Variants in HERC2 observed in about 807,000 individuals in gnomAD.
The protein encoded by HERC2 is E3 ubiquitin-protein ligase HERC2.
In HERC2, 102 loss-of-function variants were observed where a neutral mutation model predicts 537.7. The observed-to-expected ratio is 0.19, with a 90% CI of 0.16 to 0.22. HERC2 has a LOEUF of 0.22. Ranked by LOEUF, HERC2 falls within the 10% of genes least tolerant of loss-of-function variation. The pLI is 1.00. For missense variants in HERC2, 4,236 were observed against 6,198.2 expected (o/e 0.68, Z 10.63); for synonymous variants, 2,224 against 2,466.2 (o/e 0.90, Z 2.91).
chr15:28,133,423 T>C (rs565989554), intron 79 of HERC2, among the ~76,000 whole-genome samples: 85 of 152,324 alleles, frequency 5.6e-4, no homozygotes, highest in African/African-American at 2.0e-3. Flanking sequence ...CTTCATAGTG[T>C]CTTTTGAAGA....
At chr15:28,123,928 G>T in intron 85 of HERC2, 109 bp downstream of exon 85, 1 of 855,656 alleles carries the variant, frequency 1.2e-6, no homozygotes, top group Non-Finnish European at 1.7e-6. Context: ...GTGAACATTT[G>T]CTGAATGAGC....
At chr15:28,148,440 T>C (rs1029774502) in intron 70 of HERC2, among the ~76,000 whole-genome samples, 1 of 152,040 alleles carries the variant, frequency 6.6e-6, no homozygotes, top group Non-Finnish European at 1.5e-5. Flanking sequence ...CATGGAGAGT[T>C]ACCAAGTGTC....
In HERC2 at chr15:28,218,568, C is replaced by G; in HGVS notation, c.5949G>C (p.Glu1983Asp). 6.3e-7 allele frequency: 1 copy of G among 1,598,162 alleles called. No homozygotes were observed. Among genetic ancestry groups the G allele is most frequent in the Non-Finnish European group, 8.5e-7 (1 of 1,179,742 alleles). ...TCTTGGTGGCTTCGCTCTGCATGAT[C>G]TCAGCATGAACTCCAGCAGACAGAC... ...TLCLSAGVHAEIMQSEATKTL... is the reference protein window; with the variant it reads ...TLCLSAGVHADIMQSEATKTL... The change falls in exon 38 of 93, where the codon GAG becomes GAC. Residue 1983 changes from glutamate to aspartate, a missense_variant. By Grantham distance (45) the Glu-to-Asp change is conservative (BLOSUM62 2). Around this residue, in one of 27 missense-constraint regions of HERC2, gnomAD observed 365 missense variants for 468.8 expected, o/e 0.78. Coordinates refer to ENST00000261609, the MANE Select transcript of HERC2 (RefSeq NM_004667.6).
chr15:28,246,598 TAA>T (rs139539730), intron 22 of HERC2, 142 bp downstream of exon 22: 111 of 487,696 alleles, frequency 2.3e-4, no homozygotes, highest in South Asian at 8.2e-4. Flanking sequence ...TGTCAGTAAC[TAA>T]AAAAAAAAAA....
chr15:28,298,797 C>T (rs375262770), intron 3 of HERC2, among the ~76,000 whole-genome samples: 1 of 151,658 alleles, frequency 6.6e-6, no homozygotes, highest in African/African-American at 2.4e-5. Context: ...CTCCTTCCCC[C>T]CCAAAAAAAA....
chr15:28,240,303 A>G (rs1902959320), intron 23 of HERC2, among the ~76,000 whole-genome samples: 1 of 152,212 alleles, frequency 6.6e-6, no homozygotes, highest in African/African-American at 2.4e-5. Context: ...CTGTAGTCCC[A>G]GCTACTCGGG....
intron 79 of HERC2, among the ~76,000 whole-genome samples, chr15:28,134,457 T>C (rs1324201067): frequency 6.6e-6 from 1 of 152,208 alleles, no homozygotes; most frequent in African/African-American, 2.4e-5. Flanking sequence ...TTTTATTTCT[T>C]TGCACTGCTG....
chr15:28,292,230 CAAAAAA>C (rs34513876), intron 4 of HERC2, among the ~76,000 whole-genome samples: 5 of 67,478 alleles, frequency 7.4e-5, no homozygotes, highest in African/African-American at 1.7e-4. Context: ...ACTCCATCTC[CAAAAAA>C]AAAAAAAAAA....
chr15:28,193,018 C>T (rs1484949202), intron 52 of HERC2, among the ~76,000 whole-genome samples: 1 of 152,072 alleles, frequency 6.6e-6, no homozygotes, highest in African/African-American at 2.4e-5. Flanking sequence ...AGTCACTAAC[C>T]TTTACCAAGT....
In HERC2 at chr15:28,287,740, G is replaced by GTTTTTTTTT. The variant is rs1461307820; in HGVS notation, c.322+5147_322+5148insAAAAAAAAA. On this transcript the variant is annotated intron_variant, in intron 4 of 92. Coordinates refer to ENST00000261609, the MANE Select transcript of HERC2 (RefSeq NM_004667.6). ...TCCTCTTTTTTTTTTTTTTTTTTTG[G>GTTTTTTTTT]TTTGAGATGGAGTCTCACCCTGTCA... Among the ~76,000 whole-genome samples, 22 of 141,048 alleles carry GTTTTTTTTT rather than the reference G, an allele frequency of 1.6e-4. 1 individual carries two copies. Among genetic ancestry groups the GTTTTTTTTT allele is most frequent in the African/African-American group, 1.9e-4 (7 of 36,894 alleles). The allele number at this position is 141,048 out of a possible 152,430, so 92.5% of individuals were successfully genotyped here.
intron 26 of HERC2, among the ~76,000 whole-genome samples, chr15:28,235,516 A>G (rs2140667297): frequency 6.6e-6 from 1 of 152,296 alleles, no homozygotes; most frequent in South Asian, 2.1e-4. Context: ...CTGTATGGAC[A>G]CCAAGATCCT....
chr15:28,287,065 A>G (rs958865667), intron 4 of HERC2, among the ~76,000 whole-genome samples: 13 of 152,222 alleles, frequency 8.5e-5, no homozygotes, highest in Non-Finnish European at 1.5e-4. Context: ...AAATTCTTTC[A>G]ACTTTTCTGT....
chr15:28,265,285 T>TG lies in HERC2; in HGVS notation c.1870+332_1870+333insC, dbSNP rs2075531559. ...AGAACACAGAAAGACTTAGCAGGAA[T>TG]TACCACAGGGAATCAAGAGTGGCCG... is the stretch of plus-strand genomic sequence containing the variant. On this transcript the variant is annotated intron_variant, in intron 14 of 92. Transcript: ENST00000261609. This position sits in a 1 kb window ranked among gnomAD's most constrained non-coding sequence, Gnocchi z 4.0. 6.6e-6 allele frequency among the ~76,000 whole-genome samples: 1 copy of TG among 152,052 alleles called. No homozygotes were observed. Among genetic ancestry groups the TG allele is most frequent in the South Asian group, 2.1e-4 (1 of 4,826 alleles).
Position 28,220,525 on chromosome 15 carries a change from G to A in HERC2, c.5772C>T (p.Tyr1924=), listed in dbSNP as rs763050324. 14 of 1,601,878 alleles carry A rather than the reference G, an allele frequency of 8.7e-6. No homozygotes were observed. Among genetic ancestry groups the A allele is most frequent in the South Asian group, 6.6e-5 (6 of 90,992 alleles). The change falls in exon 37 of 93, where the codon TAC becomes TAT. Residue 1924 remains tyrosine, a synonymous_variant. Coordinates refer to ENST00000261609, the MANE Select transcript of HERC2 (RefSeq NM_004667.6). ...NSYRMGKEGK[Y]DLKLAELPAA... is the part of the protein sequence containing the mutation. ...CCGGCAGCTCTGCCAGCTTGAGGTC[G>A]TATTTTCCTTCTTTCCCCATCCTGT... is the stretch of plus-strand genomic sequence containing the variant.
intron 4 of HERC2, among the ~76,000 whole-genome samples, chr15:28,286,449 T>G (rs1383480077): frequency 1.3e-5 from 2 of 152,162 alleles, no homozygotes; most frequent in Non-Finnish European, 2.9e-5. Context: ...GAATGTAAAG[T>G]GGGTTCAACA....
chr15:28,235,506 C>T lies in HERC2; in HGVS notation c.4004-1222G>A, dbSNP rs188005024. Among the ~76,000 whole-genome samples the T allele has an allele frequency of 2.3e-3, 354 of 152,306 alleles. 1 individual carries two copies. Among genetic ancestry groups the T allele is most frequent in the Admixed American group, 5.6e-3 (85 of 15,306 alleles). ...GCACAAAGGTCCACCCAACGGGGGG[C>T]TGTATGGACACCAAGATCCTCCTTC... On this transcript the variant is annotated intron_variant, in intron 26 of 92. Coordinates refer to ENST00000261609, the MANE Select transcript of HERC2 (RefSeq NM_004667.6).
chr15:28,143,350 C>T (rs577929190), intron 74 of HERC2, among the ~76,000 whole-genome samples: 3 of 152,262 alleles, frequency 2.0e-5, no homozygotes, highest in Admixed American at 1.3e-4. Flanking sequence ...TCACAGCTGT[C>T]GAGACAGATT....
chr15:28,293,309 C>T (rs1284550260), intron 3 of HERC2, among the ~76,000 whole-genome samples: 11 of 151,824 alleles, frequency 7.2e-5, no homozygotes, highest in Admixed American at 3.3e-4. Flanking sequence ...CTGGCTAACA[C>T]GGTGAAACCC....
At chr15:28,119,022 C>T (rs1449839082) in intron 86 of HERC2, among the ~76,000 whole-genome samples, 2 of 152,158 alleles carry the variant, frequency 1.3e-5, no homozygotes, top group Non-Finnish European at 2.9e-5. Flanking sequence ...AATACCAGCA[C>T]TTTGGGAGGC....
Sources: gnomAD v4.1 joint callset for allele counts (sites outside exome capture counted in the v4.1 genomes callset) on GRCh38, gnomAD v4.1.1 for gene constraint, gnomAD v4.1.1 regional missense constraint, Gnocchi (gnomAD v3.1) non-coding constraint, MANE v1.5 for transcripts, NCBI Gene and HGNC (gene_info 2026-07-23, HGNC 2026-07-21) for gene names.